Variants in GABRB1 observed in about 807,000 individuals in gnomAD.
GABRB1 encodes gamma-aminobutyric acid type A receptor subunit beta1.
In GABRB1, 17 loss-of-function variants were observed where a neutral mutation model predicts 51.6. That is an observed-to-expected ratio of 0.33 (90% CI 0.23 to 0.49). The LOEUF (loss-of-function observed/expected upper bound fraction) is 0.49, where lower values mean the gene tolerates loss of function less well. Ranked by LOEUF, GABRB1 falls within the 20% of genes least tolerant of loss-of-function variation. The pLI is 0.99. For synonymous variants in GABRB1, 247 were observed against 218.9 expected, an observed-to-expected ratio of 1.13 and a Z score of -1.14; for missense variants, 410 against 600.6, an observed-to-expected ratio of 0.68 and a Z score of 3.32.
chr4:47,233,260 A>G (rs1018229302), intron 4 of GABRB1, among the ~76,000 whole-genome samples: 2 of 152,098 alleles, frequency 1.3e-5, no homozygotes, highest in South Asian at 2.1e-4. Flanking sequence ...CTGCTAAAAG[A>G]GTTACTTTTC....
At position 47,150,310 on chromosome 4, in the gene GABRB1, T is replaced by TCA. The variant is rs36066411; in HGVS notation, c.241-10907_241-10906dup. On this transcript the variant is annotated intron_variant, in intron 3 of 8. Coordinates refer to ENST00000295454, the MANE Select transcript of GABRB1 (RefSeq NM_000812.4). ...AACTGAGATAGGATATGAGAATCCATCACACACACACACACACACACACAC... is the reference window on the plus strand; with the variant it reads ...AACTGAGATAGGATATGAGAATCCATCACACACACACACACACACACACACAC... Among the ~76,000 whole-genome samples the TCA allele has an allele frequency of 8.2e-3, 1,141 of 138,512 alleles. 14 individuals are homozygous for TCA. Among genetic ancestry groups the TCA allele is most frequent in the Admixed American group, 0.023 (315 of 13,806 alleles). The allele number at this position is 138,512 out of a possible 152,430, so 90.9% of individuals were successfully genotyped here. A position where few individuals can be genotyped will look rare whatever the true frequency, so the allele number is the denominator to read the frequency against.
intron 1 of GABRB1, among the ~76,000 whole-genome samples, chr4:47,014,178 A>G (rs1435604628): frequency 6.6e-6 from 1 of 152,148 alleles, no homozygotes; most frequent in Non-Finnish European, 1.5e-5. Flanking sequence ...ATAATGTATC[A>G]TGTATCCATA....
intron 3 of GABRB1, among the ~76,000 whole-genome samples, chr4:47,158,178 T>G (rs1265113959): frequency 6.6e-6 from 1 of 152,094 alleles, no homozygotes; most frequent in Non-Finnish European, 1.5e-5. Flanking sequence ...CCATGTTTTT[T>G]CCTTTCTGTT....
At chr4:47,244,816 A>G (rs1018872557) in intron 4 of GABRB1, among the ~76,000 whole-genome samples, 7 of 152,214 alleles carry the variant, frequency 4.6e-5, no homozygotes, top group Admixed American at 2.6e-4. Context: ...GACACAACAT[A>G]CCAGAATCTC....
In GABRB1 at chr4:47,243,447, A is replaced by G. The variant is rs1275160987; in HGVS notation, c.462-76680A>G. ...AGAAAGTCATTGGTAGCTTGATGGG[A>G]ATGGCATTGAATCTATAAATTACCT... On this transcript the variant is annotated intron_variant, in intron 4 of 8. Coordinates refer to ENST00000295454, the MANE Select transcript of GABRB1 (RefSeq NM_000812.4). 1.1e-4 allele frequency among the ~76,000 whole-genome samples: 16 copies of G among 152,128 alleles called. No individual in the cohort carries two copies. The East Asian group carries it at 1.9e-3, about 18-fold the overall frequency.
At chr4:47,372,485 C>T (rs1727230519) in intron 5 of GABRB1, among the ~76,000 whole-genome samples, 1 of 152,132 alleles carries the variant, frequency 6.6e-6, no homozygotes, top group Admixed American at 6.5e-5. Context: ...CCCCTCAAAC[C>T]AGCTCCATAA....
chr4:47,204,937 T>C (rs1166507644), intron 4 of GABRB1, among the ~76,000 whole-genome samples: 1 of 152,176 alleles, frequency 6.6e-6, no homozygotes, highest in African/African-American at 2.4e-5. Flanking sequence ...ACAACTCTCT[T>C]GGCCTATCTT....
At chr4:47,215,662 A>G (rs183868900) in intron 4 of GABRB1, among the ~76,000 whole-genome samples, 1 of 152,224 alleles carries the variant, frequency 6.6e-6, no homozygotes, top group East Asian at 1.9e-4. Flanking sequence ...CATATTTTAG[A>G]ATAATTGTTA....
chr4:47,212,338 C>T (rs1720391053), intron 4 of GABRB1, among the ~76,000 whole-genome samples: 1 of 152,086 alleles, frequency 6.6e-6, no homozygotes, highest in South Asian at 2.1e-4. Flanking sequence ...AGGTGCCGAG[C>T]AAGGGAGGAG....
intron 5 of GABRB1, among the ~76,000 whole-genome samples, chr4:47,330,339 C>T (rs796326626): frequency 3.9e-5 from 6 of 152,332 alleles, no homozygotes; most frequent in African/African-American, 1.4e-4. Context: ...CAAGTTGACA[C>T]ATAAAGTTAA....
At chr4:47,056,918 C>T (rs1452369172) in intron 3 of GABRB1, among the ~76,000 whole-genome samples, 2 of 152,104 alleles carry the variant, frequency 1.3e-5, no homozygotes, top group Non-Finnish European at 2.9e-5. Flanking sequence ...CCAGCCTGCC[C>T]AACATGGTGA....
At chr4:47,041,342 C>T (rs965779271) in intron 3 of GABRB1, among the ~76,000 whole-genome samples, 7 of 152,092 alleles carry the variant, frequency 4.6e-5, no homozygotes, top group African/African-American at 1.4e-4. Context: ...TCTATTTAAG[C>T]AGTCTTATTC....
At chr4:47,312,844 G>C (rs1724752841) in intron 4 of GABRB1, among the ~76,000 whole-genome samples, 1 of 152,064 alleles carries the variant, frequency 6.6e-6, no homozygotes, top group Non-Finnish European at 1.5e-5. Flanking sequence ...GTGTATATGT[G>C]TGCACACGTG....
chr4:47,007,939 G>A (rs1560494174), intron 1 of GABRB1, among the ~76,000 whole-genome samples: 1 of 144,920 alleles, frequency 6.9e-6, no homozygotes. Context: ...TTACAGCTGA[G>A]ATGCCAGGGA....
intron 4 of GABRB1, among the ~76,000 whole-genome samples, chr4:47,266,453 C>T (rs1230891005): frequency 6.6e-6 from 1 of 151,948 alleles, no homozygotes; most frequent in Non-Finnish European, 1.5e-5. Flanking sequence ...TTTTCTAATT[C>T]TGTGAGAAAT....
rs757689278 is a variant in GABRB1, at chr4:47,031,692, C to T, written c.41C>T (p.Ser14Phe). 1.2e-6 allele frequency: 2 copies of T among 1,614,110 alleles called. No individual in the cohort carries two copies. Among genetic ancestry groups the T allele is most frequent in the Admixed American group, 1.7e-5 (1 of 60,034 alleles). ...VQNRESLGLL[S>F]FPVMITMVCC... ...AATCGAGAGAGTCTGGGGCTTCTCT[C>T]TTTCCCTGTGATGATTACCATGGTC... Residue 14 changes from serine (S) to phenylalanine (F), a missense_variant, in exon 1 of 9, where the codon TCT becomes TTT. Physicochemically the swap from Ser to Phe is radical, Grantham distance 155 (BLOSUM62 -2). Transcript: ENST00000295454.
chr4:47,014,056 C>T (rs1560496027), intron 1 of GABRB1, among the ~76,000 whole-genome samples: 1 of 152,040 alleles, frequency 6.6e-6, no homozygotes, highest in Non-Finnish European at 1.5e-5. Context: ...ACCTTGAGTA[C>T]ATTTTTGTAT....
At chr4:46,996,001 A>G (rs555920310) in intron 1 of GABRB1, among the ~76,000 whole-genome samples, 75 of 151,552 alleles carry the variant, frequency 4.9e-4, no homozygotes, top group Non-Finnish European at 7.5e-4. Flanking sequence ...CTTTTGTATT[A>G]CTTCAAGAAG....
intron 4 of GABRB1, among the ~76,000 whole-genome samples, chr4:47,167,199 G>A (rs1718227051): frequency 6.6e-6 from 1 of 152,044 alleles, no homozygotes; most frequent in African/African-American, 2.4e-5. Context: ...TCTACATGAT[G>A]GCTTGTAACC....
Sources: gnomAD v4.1 joint callset for allele counts (sites outside exome capture counted in the v4.1 genomes callset) on GRCh38, gnomAD v4.1.1 for gene constraint, MANE v1.5 for transcripts, NCBI Gene and HGNC (gene_info 2026-07-23, HGNC 2026-07-21) for gene names.